Variants in RELCH observed in about 807,000 individuals in gnomAD.
The protein encoded by RELCH is RAB11-binding protein RELCH.
Under a neutral mutation model 150.3 loss-of-function variants are expected in RELCH, and 41 were observed. That is an observed-to-expected ratio of 0.27 (90% CI 0.21 to 0.35). The LOEUF is 0.35. RELCH is among the 10% of genes least tolerant of loss of function. The probability of loss-of-function intolerance (pLI) is 1.00; values close to 1 mark genes in which losing one functional copy is unlikely to be tolerated. For synonymous variants in RELCH, 478 were observed against 531.8 expected, an observed-to-expected ratio of 0.90 and a Z score of 1.39; for missense variants, 1,092 against 1,467.8, an observed-to-expected ratio of 0.74 and a Z score of 4.18.
At chr18:62,231,064 CAGAA>C (rs1165152356) in intron 8 of RELCH, 126 bp from the exon 9 acceptor site, 4 of 603,876 alleles carry the variant, frequency 6.6e-6, no homozygotes, top group Non-Finnish European at 1.1e-5. Context: ...ACTGGTGGCT[CAGAA>C]ATCTGGTTAG....
chr18:62,236,072 T>C (rs2041863884), intron 10 of RELCH, among the ~76,000 whole-genome samples: 1 of 152,010 alleles, frequency 6.6e-6, no homozygotes, highest in Admixed American at 6.6e-5. Flanking sequence ...CCATTGACTA[T>C]GATGTTTGCT....
chr18:62,268,909 C>A lies in RELCH; in HGVS notation c.2721C>A (p.Val907=). 6.5e-7 allele frequency: 1 copy of A among 1,548,910 alleles called. No homozygotes were observed. The highest frequency in any genetic ancestry group is 8.8e-7 in the Non-Finnish European group (1 of 1,142,744). ...ATGGGGTCCTCACTAAAGCTACAGT[C>A]CCCATTTATGCAACAGGAGTCCTTA... ...AGNGVLTKAT[V]PIYATGVLTC... The change falls in exon 20 of 29, where the codon GTC becomes GTA. Residue 907 remains valine (V), a synonymous_variant. Coordinates refer to ENST00000644646, the MANE Select transcript of RELCH (RefSeq NM_001346231.2).
intron 1 of RELCH, among the ~76,000 whole-genome samples, chr18:62,199,774 T>C (rs2039304912): frequency 6.6e-6 from 1 of 152,198 alleles, no homozygotes; most frequent in East Asian, 1.9e-4. Context: ...GAGCTCAGGC[T>C]TTGCTGTCGG....
At chr18:62,226,487 A>G (rs2041224486) in intron 5 of RELCH, among the ~76,000 whole-genome samples, 1 of 152,096 alleles carries the variant, frequency 6.6e-6, no homozygotes. Context: ...TTCCCTACCC[A>G]TTAGAGATTA....
intron 24 of RELCH, among the ~76,000 whole-genome samples, chr18:62,281,103 A>G (rs1471694677): frequency 6.6e-6 from 1 of 152,168 alleles, no homozygotes; most frequent in Admixed American, 6.5e-5. Context: ...ACAAAACAAA[A>G]CAGAACAACA....
chr18:62,270,697 A>C (rs761297079), intron 20 of RELCH, among the ~76,000 whole-genome samples: 4 of 152,008 alleles, frequency 2.6e-5, no homozygotes, highest in Non-Finnish European at 5.9e-5. Context: ...CACAACGTTC[A>C]AGTTCGTTAC....
At chr18:62,231,485 G>A (rs1189913290) in intron 9 of RELCH, among the ~76,000 whole-genome samples, 4 of 151,842 alleles carry the variant, frequency 2.6e-5, no homozygotes, top group Non-Finnish European at 4.4e-5. Flanking sequence ...TTTTATTAAC[G>A]TTAAAGTGAC....
intron 14 of RELCH, 36 bp from the exon 15 acceptor site, chr18:62,258,476 T>C (rs1166548977): frequency 3.2e-6 from 5 of 1,561,268 alleles, no homozygotes; most frequent in Non-Finnish European, 4.3e-6. Context: ...AGTTTATCCC[T>C]TTAAAAATCT....
In RELCH at chr18:62,268,762, C is replaced by G. The variant is rs2043726747; in HGVS notation, c.2681-107C>G. 7.5e-6 allele frequency: 4 copies of G among 532,900 alleles called. No individual in the cohort carries two copies. In the Admixed American group the frequency reaches 1.6e-4, roughly 21 times the overall value. The allele number at this position is 532,900 out of a possible 1,614,324, so 33.0% of individuals were successfully genotyped here. ...TTTTCCAAAGTAATGATAATACTTA[C>G]TTGTAACCTAGTAAACAGTTGTAAT... is the stretch of plus-strand genomic sequence containing the variant. On this transcript the variant is annotated intron_variant, in intron 19 of 28. Coordinates refer to ENST00000644646, the MANE Select transcript of RELCH (RefSeq NM_001346231.2).
intron 11 of RELCH, chr18:62,245,932 C>G (rs1484760638): frequency 6.6e-6 from 1 of 152,162 alleles, no homozygotes; most frequent in Non-Finnish European, 1.5e-5. Flanking sequence ...GAAAACGGCT[C>G]TTCTCCTCTG....
In RELCH at chr18:62,187,685, C is replaced by T. The variant is rs377235924; in HGVS notation, c.180C>T (p.Pro60=). The T allele has an allele frequency of 6.3e-6, 10 of 1,584,456 alleles. No individual in the cohort carries two copies. Among genetic ancestry groups the T allele is most frequent in the Non-Finnish European group, 6.9e-6 (8 of 1,161,694 alleles). Residue 60 remains proline (P), a synonymous_variant, in exon 1 of 29, where the codon CCC becomes CCT. Coordinates refer to ENST00000644646, the MANE Select transcript of RELCH (RefSeq NM_001346231.2). ...GSAGSLSPQD[P]VALGSSARPG... is the part of the protein sequence containing the mutation. ...CGGGCTCGCTGTCGCCACAGGATCCCGTGGCCTTAGGAAGCAGTGCGCGGC... is the reference window on the plus strand; with the variant it reads ...CGGGCTCGCTGTCGCCACAGGATCCTGTGGCCTTAGGAAGCAGTGCGCGGC...
chr18:62,302,013 C>T (rs944547175), intron 28 of RELCH, among the ~76,000 whole-genome samples: 3 of 152,196 alleles, frequency 2.0e-5, no homozygotes, highest in Non-Finnish European at 2.9e-5. Flanking sequence ...CCAGGCATTA[C>T]GGTCCTTGAG....
chr18:62,275,798 A>G (rs1402602653), intron 22 of RELCH, among the ~76,000 whole-genome samples: 2 of 152,186 alleles, frequency 1.3e-5, no homozygotes, highest in East Asian at 3.8e-4. Context: ...ACTGAGGTAA[A>G]TAAACTGAAA....
In RELCH at chr18:62,273,508, A is replaced by G. The variant is rs188662583; in HGVS notation, c.2761-472A>G. Among the ~76,000 whole-genome samples the G allele has an allele frequency of 6.3e-3, 961 of 152,282 alleles. 5 individuals are homozygous for G. Among genetic ancestry groups the G allele is most frequent in the Non-Finnish European group, 9.4e-3 (639 of 67,984 alleles). On this transcript the variant is annotated intron_variant, in intron 20 of 28. Transcript: ENST00000644646. ...TTATATAGAGCCAAAATTTATGGGA[A>G]CAAAAATTCGTAAGGTAAATTTTAA... is the stretch of plus-strand genomic sequence containing the variant.
At chr18:62,250,694 C>G (rs1382029481) in intron 11 of RELCH, among the ~76,000 whole-genome samples, 3 of 152,134 alleles carry the variant, frequency 2.0e-5, no homozygotes, top group African/African-American at 7.2e-5. Context: ...ACCGTTTCCC[C>G]CAGTGTTTCC....
chr18:62,218,134 C>A (rs1468562383), intron 2 of RELCH, among the ~76,000 whole-genome samples: 2 of 151,724 alleles, frequency 1.3e-5, no homozygotes, highest in East Asian at 3.9e-4. Context: ...TCTTTTCTTA[C>A]AACTGTTCTG....
chr18:62,298,275 C>A (rs533476560), intron 27 of RELCH, among the ~76,000 whole-genome samples: 1 of 152,272 alleles, frequency 6.6e-6, no homozygotes, highest in East Asian at 1.9e-4. Flanking sequence ...CACTCAGTCT[C>A]CCTGCAGGAA....
At chr18:62,234,949 T>C (rs746567176) in intron 10 of RELCH, 3 of 151,994 alleles carry the variant, frequency 2.0e-5, no homozygotes, top group Non-Finnish European at 4.4e-5. Context: ...AAATCTGATT[T>C]ATCTATTTTT....
Position 62,245,429 on chromosome 18 carries a change from G to A in RELCH, c.1733+553G>A, listed in dbSNP as rs1454720681. Among the ~76,000 whole-genome samples, 4 of 152,146 alleles carry A rather than the reference G, an allele frequency of 2.6e-5. No homozygotes were observed. The East Asian group carries it at 7.7e-4, about 29-fold the overall frequency. On this transcript the variant is annotated intron_variant, in intron 11 of 28. Transcript: ENST00000644646. ...ATCTGAGGTCAGGAATTCGTGACCA[G>A]CCTGGTCAACATGGTGAAACTCTAT...
Sources: gnomAD v4.1 joint callset for allele counts (sites outside exome capture counted in the v4.1 genomes callset) on GRCh38, gnomAD v4.1.1 for gene constraint, MANE v1.5 for transcripts, NCBI Gene and HGNC (gene_info 2026-07-23, HGNC 2026-07-21) for gene names.